The following SLC44A5 variants were observed in gnomAD, a reference collection of about 807,000 sequenced individuals.
SLC44A5 encodes solute carrier family 44 member 5.
SLC44A5 carries 57 observed loss-of-function variants against 101.8 expected under a neutral mutation model. That is an observed-to-expected ratio of 0.56 (90% CI 0.45 to 0.70). The LOEUF (loss-of-function observed/expected upper bound fraction) is 0.70, where lower values mean the gene tolerates loss of function less well. Ranked by LOEUF, SLC44A5 falls within the 30% of genes least tolerant of loss-of-function variation. SLC44A5 has a pLI of 0.00. For missense variants in SLC44A5, 737 were observed against 853.1 expected, an observed-to-expected ratio of 0.86 and a Z score of 1.70; for synonymous variants, 281 against 290.9, an observed-to-expected ratio of 0.97 and a Z score of 0.35.
chr1:75,649,456 G>C, the SLC44A5 span, among the ~76,000 whole-genome samples: 1 of 152,060 alleles, frequency 6.6e-6, no homozygotes, highest in East Asian at 1.9e-4. Context: ...AAAAGTGTTG[G>C]TCTGCCTTCC....
chr1:75,419,354 T>C (rs1482771777), intron 2 of SLC44A5, among the ~76,000 whole-genome samples: 2 of 150,976 alleles, frequency 1.3e-5, no homozygotes, highest in African/African-American at 2.4e-5. Flanking sequence ...AGTAAAATCT[T>C]AAAAGTAGCC....
the SLC44A5 span, among the ~76,000 whole-genome samples, chr1:75,685,154 T>G: frequency 6.6e-6 from 1 of 152,132 alleles, no homozygotes; most frequent in Admixed American, 6.6e-5. Flanking sequence ...ATGGCAGGGA[T>G]GCAGGGCACC....
chr1:75,610,711 T>C (rs767984673), intron 1 of SLC44A5, among the ~76,000 whole-genome samples: 3 of 152,048 alleles, frequency 2.0e-5, no homozygotes, highest in Non-Finnish European at 2.9e-5. Flanking sequence ...GCCCGAAATA[T>C]TGTCGATATT....
At chr1:75,661,501 G>A in the SLC44A5 span, among the ~76,000 whole-genome samples, 1 of 144,942 alleles carries the variant, frequency 6.9e-6, no homozygotes, top group East Asian at 2.2e-4. Flanking sequence ...AGCAAAAATT[G>A]ACAAATGGGA....
At chr1:75,698,694 C>A in the SLC44A5 span, among the ~76,000 whole-genome samples, 1 of 152,158 alleles carries the variant, frequency 6.6e-6, no homozygotes, top group Non-Finnish European at 1.5e-5. Context: ...TTCAGACGAT[C>A]AAATTACTCC....
chr1:75,273,410 T>C (rs1651655480), intron 6 of SLC44A5, among the ~76,000 whole-genome samples: 1 of 152,146 alleles, frequency 6.6e-6, no homozygotes, highest in South Asian at 2.1e-4. Flanking sequence ...CTTCCAGTGC[T>C]ATGTTGAATA....
In SLC44A5 at chr1:75,380,612, A is replaced by G. The variant is rs1324400183; in HGVS notation, c.52+15971T>C. ...AAACTAATTTGGTGGAAAGATAATA[A>G]AAATAAGACATGGGAAATAGGTAAG... is the stretch of plus-strand genomic sequence containing the variant. On this transcript the variant is annotated intron_variant, in intron 3 of 23. Transcript: ENST00000370859. 4.8e-5 allele frequency among the ~76,000 whole-genome samples: 4 copies of G among 82,838 alleles called. 2 individuals are homozygous for G. Among genetic ancestry groups the G allele is most frequent in the Non-Finnish European group, 8.3e-5 (4 of 47,992 alleles). 54.3% of individuals were successfully genotyped at this position (82,838 alleles called of 152,430 possible).
At chr1:75,551,091 A>G (rs987990605) in intron 1 of SLC44A5, among the ~76,000 whole-genome samples, 10 of 152,088 alleles carry the variant, frequency 6.6e-5, no homozygotes, top group African/African-American at 2.4e-4. Context: ...TGTTGTTATA[A>G]TCTTTGTTTT....
the SLC44A5 span, among the ~76,000 whole-genome samples, chr1:75,689,922 C>G: frequency 6.6e-6 from 1 of 152,100 alleles, no homozygotes; most frequent in Non-Finnish European, 1.5e-5. Flanking sequence ...GGATTTCAAC[C>G]AATCCCTGCC....
the SLC44A5 span, among the ~76,000 whole-genome samples, chr1:75,659,463 AG>A: frequency 2.0e-5 from 1 of 49,838 alleles, no homozygotes; most frequent in African/African-American, 8.3e-5. Flanking sequence ...GAAGGAAGGA[AG>A]GAAGGAAGGA....
At chr1:75,676,419 G>A in the SLC44A5 span, among the ~76,000 whole-genome samples, 1 of 152,156 alleles carries the variant, frequency 6.6e-6, no homozygotes, top group Admixed American at 6.5e-5. Flanking sequence ...GGATGGAGCT[G>A]GAAGCCATTA....
At chr1:75,562,051 A>C (rs546745062) in intron 1 of SLC44A5, among the ~76,000 whole-genome samples, 14 of 152,280 alleles carry the variant, frequency 9.2e-5, no homozygotes, top group African/African-American at 2.6e-4. Context: ...AAATCCTGTG[A>C]CACATGTATA....
chr1:75,232,350 A>G (rs1303458343), intron 12 of SLC44A5, among the ~76,000 whole-genome samples: 1 of 152,164 alleles, frequency 6.6e-6, no homozygotes, highest in East Asian at 1.9e-4. Context: ...TGACAATGCA[A>G]GAGTGATTGA....
rs190441569 is a variant in SLC44A5 at position 75,587,945 on chromosome 1, G to A, written c.-70+23095C>T. On this transcript the variant is annotated intron_variant, in intron 1 of 23. Coordinates refer to ENST00000370859, the MANE Select transcript of SLC44A5 (RefSeq NM_001130058.2). ...TCTCTGTTTCCTTGCTGTGAAAAAC[G>A]TGTTGACCATCAGGCATATGGCAGA... Among the ~76,000 whole-genome samples the A allele has an allele frequency of 1.7e-3, 262 of 152,260 alleles. 1 individual carries two copies. The highest frequency in any genetic ancestry group is 5.8e-3 in the African/African-American group (243 of 41,570).
upstream of SLC44A5, among the ~76,000 whole-genome samples, chr1:75,615,556 C>T (rs554837200): frequency 2.6e-4 from 39 of 151,886 alleles, no homozygotes; most frequent in African/African-American, 9.2e-4. Context: ...TGCCCAGAGG[C>T]TAGGAGGTGC....
At chr1:75,438,291 G>A (rs914019801) in intron 2 of SLC44A5, among the ~76,000 whole-genome samples, 1 of 152,102 alleles carries the variant, frequency 6.6e-6, no homozygotes, top group Non-Finnish European at 1.5e-5. Flanking sequence ...AGCCTGATTG[G>A]AGTGGTTTTC....
chr1:75,346,711 G>T (rs188903435), intron 3 of SLC44A5, among the ~76,000 whole-genome samples: 2 of 151,924 alleles, frequency 1.3e-5, no homozygotes, highest in African/African-American at 4.8e-5. Context: ...TATCAACTTG[G>T]GTTTTCTAAC....
At chr1:75,310,673 G>C (rs1655226413) in intron 4 of SLC44A5, among the ~76,000 whole-genome samples, 1 of 152,060 alleles carries the variant, frequency 6.6e-6, no homozygotes, top group African/African-American at 2.4e-5. Context: ...ATAATTTCAA[G>C]TCAACCCAAA....
chr1:75,436,243 A>G (rs1290396622), intron 2 of SLC44A5, among the ~76,000 whole-genome samples: 1 of 152,130 alleles, frequency 6.6e-6, no homozygotes, highest in East Asian at 1.9e-4. Flanking sequence ...GCTAATGTTC[A>G]TAATTATCAC....
Sources: allele counts gnomAD v4.1 joint callset (sites outside exome capture counted in the v4.1 genomes callset), GRCh38; gene constraint gnomAD v4.1.1; transcripts MANE v1.5; gene names NCBI Gene and HGNC (gene_info 2026-07-23, HGNC 2026-07-21).